Variants in NR1I2 observed in about 807,000 individuals in gnomAD.
NR1I2 encodes nuclear receptor subfamily 1 group I member 2.
A neutral mutation model predicts 43.3 loss-of-function variants in NR1I2; 42 were observed. That is an observed-to-expected ratio of 0.97 (90% CI 0.76 to 1.26). The LOEUF (loss-of-function observed/expected upper bound fraction) is 1.26, where lower values mean the gene tolerates loss of function less well. Among genes scored for constraint, NR1I2 ranks in the 50% most tolerant of loss-of-function variants. NR1I2 has a pLI of 0.00. For missense variants in NR1I2, 559 were observed against 566.7 expected (o/e 0.99, Z 0.14); for synonymous variants, 229 against 215.0 (o/e 1.06, Z -0.57).
intron 1 of NR1I2, among the ~76,000 whole-genome samples, chr3:119,799,412 T>G (rs1167452489): frequency 1.3e-5 from 2 of 152,236 alleles, no homozygotes; most frequent in Non-Finnish European, 2.9e-5. Context: ...GTAAGAGTTC[T>G]TCATATATTC....
intron 1 of NR1I2, among the ~76,000 whole-genome samples, chr3:119,792,829 C>G (rs377450610): frequency 6.6e-6 from 1 of 151,934 alleles, no homozygotes; most frequent in Non-Finnish European, 1.5e-5. Context: ...GAGCTGAGAT[C>G]GCGCCACTGC....
chr3:119,782,378 A>C (rs1252504379), intron 1 of NR1I2, 78 bp downstream of exon 1: 1 of 226,536 alleles, frequency 4.4e-6, no homozygotes. Context: ...TGTGAACACA[A>C]ATATACCTTC....
intron 1 of NR1I2, chr3:119,792,477 CG>C: frequency 9.3e-7 from 1 of 1,080,164 alleles, no homozygotes; most frequent in South Asian, 1.3e-5. Flanking sequence ...GAGGACATCA[CG>C]TACCAGCTCT....
At chr3:119,807,807 T>G (rs1464601) in intron 2 of NR1I2, among the ~76,000 whole-genome samples, 1 of 152,162 alleles carries the variant, frequency 6.6e-6, no homozygotes, top group Non-Finnish European at 1.5e-5. Context: ...AATAAATGCT[T>G]AGACCATGGG....
intron 1 of NR1I2, among the ~76,000 whole-genome samples, chr3:119,785,662 C>G (rs114424264): frequency 0.011 from 1,748 of 152,270 alleles, 16 homozygotes; most frequent in Middle Eastern, 0.061. Flanking sequence ...CCAGAAAACT[C>G]CAGGATGATC....
At chr3:119,798,657 A>AG (rs1559785735) in intron 1 of NR1I2, among the ~76,000 whole-genome samples, 33 of 148,378 alleles carry the variant, frequency 2.2e-4, no homozygotes, top group African/African-American at 7.9e-4. Flanking sequence ...AAAAAAAAGA[A>AG]AAAGAAAGAA....
At position 119,810,014 on chromosome 3, in the gene NR1I2, G is replaced by A. The variant is rs758056670; in HGVS notation, c.198-47G>A. 7.4e-6 allele frequency: 12 copies of A among 1,612,524 alleles called. No homozygotes were observed. In the East Asian group the frequency reaches 2.5e-4, roughly 33 times the overall value. ...TATGGCCCGGAGCCCCAGGCCGAGG[G>A]CCCGGGCACCCGTGCATCCCCCCTT... On this transcript the variant is annotated intron_variant, in intron 2 of 8. Coordinates refer to ENST00000393716, the MANE Select transcript of NR1I2 (RefSeq NM_003889.4).
chr3:119,801,711 T>C (rs2461821), intron 1 of NR1I2, among the ~76,000 whole-genome samples: 89,926 of 152,108 alleles, frequency 0.59, 26,982 homozygotes, highest in Middle Eastern at 0.69. Context: ...TTTTCTGTGT[T>C]GGCTGGGCTC....
At chr3:119,808,362 A>G (rs2107970187) in intron 2 of NR1I2, among the ~76,000 whole-genome samples, 3 of 152,306 alleles carry the variant, frequency 2.0e-5, no homozygotes, top group Middle Eastern at 6.8e-3. Flanking sequence ...CCCATCTTTG[A>G]GAGTAAGGAA....
chr3:119,788,584 CATG>C (rs2054876205), intron 1 of NR1I2, among the ~76,000 whole-genome samples: 1 of 152,080 alleles, frequency 6.6e-6, no homozygotes, highest in Non-Finnish European at 1.5e-5. Flanking sequence ...ACTACAGGCA[CATG>C]TCACCACACT....
chr3:119,783,464 G>T (rs148378737), intron 1 of NR1I2, among the ~76,000 whole-genome samples: 2 of 152,088 alleles, frequency 1.3e-5, no homozygotes, highest in South Asian at 4.1e-4. Flanking sequence ...GACCAATTGC[G>T]AAAGAGACAG....
At chr3:119,799,480 A>C (rs1559785953) in intron 1 of NR1I2, among the ~76,000 whole-genome samples, 1 of 152,200 alleles carries the variant, frequency 6.6e-6, no homozygotes, top group East Asian at 1.9e-4. Flanking sequence ...TCTGTGTCTT[A>C]TCTTTCTACT....
At chr3:119,791,256 G>A (rs2054913693) in intron 1 of NR1I2, among the ~76,000 whole-genome samples, 1 of 152,170 alleles carries the variant, frequency 6.6e-6, no homozygotes. Context: ...AAGGCCTATG[G>A]ACCTTTGCTT....
In NR1I2 at chr3:119,818,138, T is replaced by C; in HGVS notation, c.*926T>C. On this transcript the variant is annotated 3_prime_UTR_variant, in exon 9 of 9. Coordinates refer to ENST00000393716, the MANE Select transcript of NR1I2 (RefSeq NM_003889.4). Reference sequence around the variant, plus strand: ...TGCAGCTGTGAGTGCGTGTGTGTGATTTGGTGTAGGTAGGTCTGTTTGCCA... The same window carrying C: ...TGCAGCTGTGAGTGCGTGTGTGTGACTTGGTGTAGGTAGGTCTGTTTGCCA... 1.0e-6 allele frequency: 1 copy of C among 985,584 alleles called. No individual in the cohort carries two copies. Among genetic ancestry groups the C allele is most frequent in the Non-Finnish European group, 1.2e-6 (1 of 829,998 alleles). The allele number at this position is 985,584 out of a possible 1,614,324, so 61.1% of individuals were successfully genotyped here.
At chr3:119,806,434 A>G (rs1305575892) in intron 1 of NR1I2, among the ~76,000 whole-genome samples, 1 of 151,904 alleles carries the variant, frequency 6.6e-6, no homozygotes, top group Admixed American at 6.6e-5. Context: ...ATAGGCTCAC[A>G]CCATCGATCT....
In NR1I2 at chr3:119,812,924, G is replaced by C. The variant is rs768816150; in HGVS notation, c.758G>C (p.Gly253Ala). The change falls in exon 5 of 9, where the codon GGC becomes GCC. Residue 253 changes from glycine (G) to alanine (A), a missense_variant. Gly to Ala is a moderately conservative substitution (Grantham distance 60). Around this residue, in one of 3 missense-constraint regions of NR1I2, gnomAD observed 323 missense variants for 312.2 expected, o/e 1.03. Coordinates refer to ENST00000393716, the MANE Select transcript of NR1I2 (RefSeq NM_003889.4). ...GACATGTCAACCTACATGTTCAAAG[G>C]CATCATCAGCTTTGCCAAAGTCATC... The C allele has an allele frequency of 1.5e-5, 24 of 1,613,964 alleles. No homozygotes were observed. In the South Asian group the frequency reaches 2.3e-4, roughly 16 times the overall value.
chr3:119,816,974 T>A, intron 8 of NR1I2, 94 bp from the exon 9 acceptor site: 1 of 1,533,594 alleles, frequency 6.5e-7, no homozygotes, highest in Non-Finnish European at 9.0e-7. Context: ...ACCTGAAATG[T>A]CCAGAGATTA....
At chr3:119,805,765 G>C (rs1047127816) in intron 1 of NR1I2, among the ~76,000 whole-genome samples, 1 of 146,048 alleles carries the variant, frequency 6.8e-6, no homozygotes, top group African/African-American at 2.5e-5. Flanking sequence ...TCTGTTGGGT[G>C]TCTGGGAGAA....
chr3:119,792,755 A>T (rs933466847), intron 1 of NR1I2, among the ~76,000 whole-genome samples: 5 of 152,302 alleles, frequency 3.3e-5, no homozygotes, highest in African/African-American at 1.2e-4. Flanking sequence ...TGTACCTGTA[A>T]TCCCAGCTAC....
Sources: gnomAD v4.1 joint callset for allele counts (sites outside exome capture counted in the v4.1 genomes callset) on GRCh38, gnomAD v4.1.1 for gene constraint, gnomAD v4.1.1 regional missense constraint, MANE v1.5 for transcripts, NCBI Gene and HGNC (gene_info 2026-07-23, HGNC 2026-07-21) for gene names.